The following GALNTL6 variants were observed in gnomAD, a reference collection of about 807,000 sequenced individuals.
GALNTL6 encodes polypeptide N-acetylgalactosaminyltransferase-like 6.
In GALNTL6, 46 loss-of-function variants were observed where a neutral mutation model predicts 73.7. The observed-to-expected ratio is 0.62, with a 90% CI of 0.49 to 0.80. The LOEUF (loss-of-function observed/expected upper bound fraction) is 0.80. Ranked by LOEUF, GALNTL6 falls within the 30% of genes least tolerant of loss-of-function variation. GALNTL6 has a pLI of 0.00. For missense variants in GALNTL6, 604 were observed against 755.0 expected, an observed-to-expected ratio of 0.80 and a Z score of 2.34; for synonymous variants, 259 against 263.7, an observed-to-expected ratio of 0.98 and a Z score of 0.17.
intron 5 of GALNTL6, among the ~76,000 whole-genome samples, chr4:172,531,265 T>A (rs1017228450): frequency 2.0e-5 from 3 of 152,114 alleles, no homozygotes; most frequent in Non-Finnish European, 4.4e-5. Flanking sequence ...CATGCAAGAG[T>A]AAATGAAAAG....
intron 7 of GALNTL6, among the ~76,000 whole-genome samples, chr4:172,827,628 T>G (rs1444558234): frequency 6.6e-6 from 1 of 152,136 alleles, no homozygotes; most frequent in East Asian, 1.9e-4. Flanking sequence ...CAACACCTCA[T>G]GTTCCCGCTT....
At chr4:172,761,617 T>C (rs947332795) in intron 5 of GALNTL6, among the ~76,000 whole-genome samples, 9 of 151,778 alleles carry the variant, frequency 5.9e-5, no homozygotes, top group African/African-American at 2.2e-4. Context: ...AGTGAATGAG[T>C]TCTCATGAGA....
chr4:172,573,137 T>C (rs1736827767), intron 5 of GALNTL6, among the ~76,000 whole-genome samples: 1 of 152,142 alleles, frequency 6.6e-6, no homozygotes, highest in Admixed American at 6.5e-5. Context: ...TTACATCCAA[T>C]TCACCAAGCA....
intron 5 of GALNTL6, among the ~76,000 whole-genome samples, chr4:172,497,950 G>C (rs1734120322): frequency 6.7e-6 from 1 of 150,056 alleles, no homozygotes; most frequent in Non-Finnish European, 1.5e-5. Context: ...ATAAAGATCT[G>C]CTTTTATCAA....
intron 4 of GALNTL6, among the ~76,000 whole-genome samples, chr4:172,339,133 G>A (rs1050418887): frequency 1.3e-3 from 195 of 152,240 alleles, no homozygotes; most frequent in African/African-American, 4.4e-3. Flanking sequence ...AGATCAGACT[G>A]TTAATCCAGG....
chr4:172,109,013 CAAAAAAA>C (rs202017302), intron 2 of GALNTL6, among the ~76,000 whole-genome samples: 31 of 108,320 alleles, frequency 2.9e-4, no homozygotes, highest in East Asian at 1.4e-3. Flanking sequence ...ACTCCATCTC[CAAAAAAA>C]AAAAAAAAAA....
chr4:172,952,928 C>A (rs1561052814), intron 10 of GALNTL6, among the ~76,000 whole-genome samples: 2 of 152,196 alleles, frequency 1.3e-5, no homozygotes, highest in African/African-American at 4.8e-5. Context: ...ATATGGGCAC[C>A]TGATATACGT....
Position 172,677,718 on chromosome 4 carries a change from T to G in GALNTL6, c.554-131643T>G, listed in dbSNP as rs372878203. Among the ~76,000 whole-genome samples the G allele has an allele frequency of 4.0e-4, 61 of 151,270 alleles. 3 individuals are homozygous for G. In the South Asian group the frequency reaches 5.6e-3, roughly 14 times the overall value. On this transcript the variant is annotated intron_variant, in intron 5 of 12. Transcript: ENST00000506823. ...CAGGAGCATCCTTTGAGTCCAGGAG[T>G]TGGAGATCAGCCTAGATAGCAGAGT...
intron 5 of GALNTL6, among the ~76,000 whole-genome samples, chr4:172,598,032 A>G (rs1358287554): frequency 1.3e-5 from 2 of 152,004 alleles, no homozygotes; most frequent in Non-Finnish European, 2.9e-5. Flanking sequence ...CCACTGTCAA[A>G]TAACTGGATC....
intron 5 of GALNTL6, among the ~76,000 whole-genome samples, chr4:172,754,522 A>G (rs745449859): frequency 2.6e-5 from 4 of 152,174 alleles, no homozygotes; most frequent in Non-Finnish European, 5.9e-5. Flanking sequence ...CAGTGAGCCG[A>G]GATCGCACCA....
chr4:171,882,264 A>C (rs1736469370), intron 2 of GALNTL6, among the ~76,000 whole-genome samples: 1 of 152,172 alleles, frequency 6.6e-6, no homozygotes, highest in Non-Finnish European at 1.5e-5. Context: ...TTCCATTTCA[A>C]TTATTTACAG....
rs1735648560 is a variant in GALNTL6, at chr4:172,193,503, A to G, written c.139-36153A>G. 3.9e-5 allele frequency among the ~76,000 whole-genome samples: 6 copies of G among 152,260 alleles called. 1 individual carries two copies. In the South Asian group the frequency reaches 1.2e-3, roughly 32 times the overall value. ...ACAACAACAACAACATCAACAAAAA[A>G]TACCCCACAAAAACCCACCCAAAGG... On this transcript the variant is annotated intron_variant, in intron 2 of 12. Coordinates refer to ENST00000506823, the MANE Select transcript of GALNTL6 (RefSeq NM_001034845.3).
At chr4:172,061,018 C>A (rs990485492) in intron 2 of GALNTL6, among the ~76,000 whole-genome samples, 1 of 152,002 alleles carries the variant, frequency 6.6e-6, no homozygotes, top group Admixed American at 6.6e-5. Flanking sequence ...GGGAAAAAAA[C>A]AACAATCTTT....
intron 2 of GALNTL6, among the ~76,000 whole-genome samples, chr4:172,067,141 T>C (rs972975707): frequency 1.3e-4 from 19 of 151,938 alleles, no homozygotes; most frequent in African/African-American, 4.6e-4. Context: ...CTTGATCAAC[T>C]AGATCATACA....
At chr4:172,214,336 G>C (rs1219862283) in intron 2 of GALNTL6, among the ~76,000 whole-genome samples, 1 of 151,888 alleles carries the variant, frequency 6.6e-6, no homozygotes, top group Non-Finnish European at 1.5e-5. Context: ...AAAATAGCTT[G>C]TCAGGATTTT....
intron 3 of GALNTL6, among the ~76,000 whole-genome samples, chr4:172,255,588 A>T (rs946259417): frequency 6.6e-6 from 1 of 151,118 alleles, no homozygotes; most frequent in African/African-American, 2.4e-5. Flanking sequence ...GCATATTATG[A>T]TCTTATTTCT....
rs1177751442 is a variant in GALNTL6, at chr4:172,034,391, CGTGCGTGCGTGTGTGTGTGTGTGTGT to C, written c.139-195261_139-195236del. 2.4e-4 allele frequency among the ~76,000 whole-genome samples: 18 copies of C among 74,924 alleles called. No individual in the cohort carries two copies. In the East Asian group the frequency reaches 4.7e-3, roughly 20 times the overall value. The allele number at this position is 74,924 out of a possible 152,430, so 49.2% of individuals were successfully genotyped here. On this transcript the variant is annotated intron_variant, in intron 2 of 12. Transcript: ENST00000506823. ...GGTATCTATTCTTCCTTAAGGGGAG[CGTGCGTGCGTGTGTGTGTGTGTGTGT>C]GTGTGTGTGTGTGTGTGTGTGTGTG...
Position 172,109,443 on chromosome 4 carries a change from G to C in GALNTL6, c.139-120213G>C, listed in dbSNP as rs374982942. ...ATATGATGAAGCCTTTTCAACAGAT[G>C]AAACAAGATAATAGCATGGCACAGT... On this transcript the variant is annotated intron_variant, in intron 2 of 12. Transcript: ENST00000506823. Among the ~76,000 whole-genome samples, 3 of 152,274 alleles carry C rather than the reference G, an allele frequency of 2.0e-5. No individual in the cohort carries two copies. In the East Asian group the frequency reaches 5.8e-4, roughly 29 times the overall value.
chr4:172,444,974 A>T (rs1421175664), intron 5 of GALNTL6, among the ~76,000 whole-genome samples: 1 of 152,196 alleles, frequency 6.6e-6, no homozygotes, highest in Non-Finnish European at 1.5e-5. Context: ...CTGAGAATGC[A>T]GCCATGACTG....
Sources: gnomAD v4.1 joint callset for allele counts (sites outside exome capture counted in the v4.1 genomes callset) on GRCh38, gnomAD v4.1.1 for gene constraint, MANE v1.5 for transcripts, NCBI Gene and HGNC (gene_info 2026-07-23, HGNC 2026-07-21) for gene names.